The following PCSK2 variants were observed in gnomAD, a reference collection of about 807,000 sequenced individuals.
PCSK2 encodes neuroendocrine convertase 2.
PCSK2 carries 14 observed loss-of-function variants against 69.7 expected under a neutral mutation model. The observed-to-expected ratio is 0.20, with a 90% confidence interval of 0.13 to 0.31. PCSK2 has a LOEUF of 0.31. PCSK2 is among the 10% of genes least tolerant of loss of function. The pLI is 1.00. For synonymous variants in PCSK2, 307 were observed against 320.7 expected, an observed-to-expected ratio of 0.96 and a Z score of 0.46; for missense variants, 544 against 842.5, an observed-to-expected ratio of 0.65 and a Z score of 4.39.
chr20:17,314,958 G>A (rs1324727325), intron 2 of PCSK2, among the ~76,000 whole-genome samples: 4 of 152,178 alleles, frequency 2.6e-5, no homozygotes, highest in Non-Finnish European at 5.9e-5. Flanking sequence ...ATTTAGGATA[G>A]ACATAATGAA....
rs542872494 is a variant in PCSK2 at position 17,354,199 on chromosome 20, A to G, written c.283-4128A>G. 3.3e-5 allele frequency among the ~76,000 whole-genome samples: 5 copies of G among 152,346 alleles called. No homozygotes were observed. The South Asian group carries it at 1.0e-3, about 32-fold the overall frequency. On this transcript the variant is annotated intron_variant, in intron 2 of 11. Transcript: ENST00000262545. ...AGATATTCTCATAGAAATAATAGTG[A>G]TACCCAGTAACAAAGACTTCTACTT...
At chr20:17,299,137 G>A (rs1988994051) in intron 2 of PCSK2, among the ~76,000 whole-genome samples, 1 of 152,000 alleles carries the variant, frequency 6.6e-6, no homozygotes, top group Non-Finnish European at 1.5e-5. Flanking sequence ...GAAAGGTCTT[G>A]TCTATTCTGA....
At chr20:17,274,441 T>G (rs1238734785) in intron 2 of PCSK2, among the ~76,000 whole-genome samples, 1 of 152,012 alleles carries the variant, frequency 6.6e-6, no homozygotes, top group East Asian at 1.9e-4. Context: ...GTGGTGGGAG[T>G]GATACTGGGC....
chr20:17,363,232 T>C (rs966904534), intron 4 of PCSK2, among the ~76,000 whole-genome samples: 1 of 152,218 alleles, frequency 6.6e-6, no homozygotes, highest in African/African-American at 2.4e-5. Context: ...TGCCCTCCCA[T>C]CTCTGGTTGC....
chr20:17,271,916 G>A (rs372557127), intron 2 of PCSK2, among the ~76,000 whole-genome samples: 1 of 152,084 alleles, frequency 6.6e-6, no homozygotes, highest in African/African-American at 2.4e-5. Context: ...GATGAAACCT[G>A]ATAGAACACC....
intron 2 of PCSK2, among the ~76,000 whole-genome samples, chr20:17,318,393 C>T (rs2123125475): frequency 6.6e-6 from 1 of 152,202 alleles, no homozygotes; most frequent in South Asian, 2.1e-4. Flanking sequence ...GAGTTGTCAT[C>T]ACGTTTTTCA....
intron 8 of PCSK2, among the ~76,000 whole-genome samples, chr20:17,444,863 G>A (rs997445650): frequency 2.7e-4 from 41 of 152,262 alleles, no homozygotes; most frequent in African/African-American, 9.6e-4. Flanking sequence ...ACCCATTGAT[G>A]AGGTTTGTTC....
chr20:17,261,316 T>A (rs1321858869), intron 2 of PCSK2, among the ~76,000 whole-genome samples: 1 of 152,194 alleles, frequency 6.6e-6, no homozygotes, highest in Non-Finnish European at 1.5e-5. Flanking sequence ...TCACATGAGA[T>A]TCTTTTGAGC....
chr20:17,269,620 T>G (rs551704292), intron 2 of PCSK2, among the ~76,000 whole-genome samples: 47 of 152,236 alleles, frequency 3.1e-4, no homozygotes, highest in African/African-American at 1.1e-3. Context: ...TTGGGCTGGG[T>G]AGTGTGCTTT....
chr20:17,370,805 T>A (rs1229851248), intron 5 of PCSK2, among the ~76,000 whole-genome samples: 1 of 152,186 alleles, frequency 6.6e-6, no homozygotes, highest in Non-Finnish European at 1.5e-5. Context: ...GCCTCCTCCA[T>A]AACTGCAGGG....
chr20:17,325,595 G>A (rs1990022409), intron 2 of PCSK2, among the ~76,000 whole-genome samples: 1 of 152,240 alleles, frequency 6.6e-6, no homozygotes, highest in African/African-American at 2.4e-5. Context: ...TGTAACAAGT[G>A]TCTCCAAAGC....
At chr20:17,287,431 C>CTG (rs67695913) in intron 2 of PCSK2, among the ~76,000 whole-genome samples, 15,375 of 145,938 alleles carry the variant, frequency 0.11, 979 homozygotes, top group South Asian at 0.33. Flanking sequence ...ATGTGCGTGT[C>CTG]TGTGTGTGTG....
chr20:17,257,251 T>C (rs540916854), intron 1 of PCSK2, among the ~76,000 whole-genome samples: 3 of 152,252 alleles, frequency 2.0e-5, no homozygotes, highest in African/African-American at 7.2e-5. Flanking sequence ...AGAACGGTGA[T>C]CATTAAACAG....
At chr20:17,334,376 G>A (rs1990289764) in intron 2 of PCSK2, among the ~76,000 whole-genome samples, 1 of 152,294 alleles carries the variant, frequency 6.6e-6, no homozygotes, top group Middle Eastern at 3.4e-3. Context: ...ATGGTACAAT[G>A]AGAATCAGAA....
intron 11 of PCSK2, among the ~76,000 whole-genome samples, chr20:17,475,790 G>C (rs1322790342): frequency 6.6e-6 from 1 of 152,186 alleles, no homozygotes; most frequent in South Asian, 2.1e-4. Context: ...CTTGACAAAT[G>C]ATTAGTGATG....
intron 5 of PCSK2, among the ~76,000 whole-genome samples, chr20:17,382,354 CG>C (rs1275860189): frequency 6.6e-6 from 1 of 152,136 alleles, no homozygotes; most frequent in African/African-American, 2.4e-5. Context: ...CTGTCATAGA[CG>C]GGAAACTGAA....
At chr20:17,377,136 T>G (rs1001307993) in intron 5 of PCSK2, among the ~76,000 whole-genome samples, 2 of 152,236 alleles carry the variant, frequency 1.3e-5, no homozygotes, top group African/African-American at 4.8e-5. Flanking sequence ...CTACAAGCTA[T>G]TTCTTTTCTT....
intron 2 of PCSK2, among the ~76,000 whole-genome samples, chr20:17,261,203 C>T (rs900967920): frequency 3.3e-5 from 5 of 152,204 alleles, no homozygotes; most frequent in Non-Finnish European, 7.3e-5. Flanking sequence ...TGTAATAACT[C>T]AGACAAGTTG....
chr20:17,235,184 A>G, intron 1 of PCSK2, among the ~76,000 whole-genome samples: 1 of 55,462 alleles, frequency 1.8e-5, no homozygotes, highest in Middle Eastern at 7.1e-3. Context: ...AATTGTTGTG[A>G]TGTGCTGAGA....
Sources: gnomAD v4.1 joint callset for allele counts (sites outside exome capture counted in the v4.1 genomes callset) on GRCh38, gnomAD v4.1.1 for gene constraint, MANE v1.5 for transcripts, NCBI Gene and HGNC (gene_info 2026-07-23, HGNC 2026-07-21) for gene names.